NF1: variants seen among roughly 807,000 people sequenced by gnomAD.
The protein encoded by NF1 is neurofibromin.
NF1 carries 122 observed loss-of-function variants against 325.7 expected under a neutral mutation model. The ratio of observed to expected loss-of-function variants is 0.37; its 90% confidence interval spans 0.32 to 0.44. The LOEUF is 0.44. NF1 is among the 20% of genes least tolerant of loss of function. The pLI, the probability that NF1 is intolerant of heterozygous loss-of-function variation, is 1.00. For synonymous variants in NF1, 1,091 were observed against 1,186.0 expected (o/e 0.92, Z 1.65); for missense variants, 2,140 against 3,415.4 (o/e 0.63, Z 9.31).
At chr17:31,287,299 A>T (rs2068247836) in intron 36 of NF1, among the ~76,000 whole-genome samples, 1 of 152,234 alleles carries the variant, frequency 6.6e-6, no homozygotes, top group East Asian at 1.9e-4. Context: ...TACATGTTTT[A>T]ATCTATTCCT....
intron 57 of NF1, among the ~76,000 whole-genome samples, chr17:31,372,071 TTGAAA>T (rs2070652633): frequency 6.6e-6 from 1 of 152,240 alleles, no homozygotes; most frequent in Non-Finnish European, 1.5e-5. Flanking sequence ...ACTTCTTGAC[TTGAAA>T]TATTACTTTT....
chr17:31,275,834 T>G (rs769566463), intron 36 of NF1, among the ~76,000 whole-genome samples: 3 of 152,250 alleles, frequency 2.0e-5, no homozygotes, highest in Non-Finnish European at 4.4e-5. Flanking sequence ...TCTGGCTTTT[T>G]TTGTGGTAAG....
intron 1 of NF1, among the ~76,000 whole-genome samples, chr17:31,110,188 C>A (rs1388041512): frequency 6.6e-6 from 1 of 152,108 alleles, no homozygotes; most frequent in Non-Finnish European, 1.5e-5. Flanking sequence ...GGTCACAGTA[C>A]AGTCATATAT....
At chr17:31,216,836 A>G (rs1567842825) in intron 13 of NF1, among the ~76,000 whole-genome samples, 2 of 152,110 alleles carry the variant, frequency 1.3e-5, no homozygotes, top group South Asian at 2.1e-4. Context: ...TTCTAACCAC[A>G]TGCCTTCATA....
intron 1 of NF1, among the ~76,000 whole-genome samples, chr17:31,151,570 C>G (rs546619062): frequency 6.6e-6 from 1 of 152,174 alleles, no homozygotes; most frequent in South Asian, 2.1e-4. Flanking sequence ...ACGGTGAAAT[C>G]TGTAGATGCT....
chr17:31,350,487 G>A (rs1165814001), intron 50 of NF1, among the ~76,000 whole-genome samples, 169 bp downstream of exon 50: 1 of 152,160 alleles, frequency 6.6e-6, no homozygotes, highest in Non-Finnish European at 1.5e-5. Flanking sequence ...TTTTATGTGG[G>A]TTAGTAGGAA....
At chr17:31,367,198 C>A in intron 57 of NF1, 1 of 1,291,914 alleles carries the variant, frequency 7.7e-7, no homozygotes, top group Non-Finnish European at 1.0e-6. Context: ...CACTTACTTG[C>A]TTTTTTTTCT....
At chr17:31,250,126 G>T (rs1567858873) in intron 30 of NF1, 2 of 405,912 alleles carry the variant, frequency 4.9e-6, no homozygotes, top group East Asian at 4.8e-5. Context: ...GCTTTTCACG[G>T]TATACATAGA....
At chr17:31,322,553 C>T (rs2069237632) in intron 36 of NF1, among the ~76,000 whole-genome samples, 1 of 127,060 alleles carries the variant, frequency 7.9e-6, no homozygotes, top group Admixed American at 9.0e-5. Flanking sequence ...GATATGGCAG[C>T]ACATATCTGT....
intron 36 of NF1, chr17:31,318,402 T>G: frequency 6.2e-7 from 1 of 1,614,036 alleles, no homozygotes; most frequent in East Asian, 2.2e-5. Flanking sequence ...CTAGGTTGGG[T>G]CCTGTGAGCT....
chr17:31,228,635 C>T (rs1245092145), intron 20 of NF1, among the ~76,000 whole-genome samples: 1 of 152,060 alleles, frequency 6.6e-6, no homozygotes, highest in African/African-American at 2.4e-5. Flanking sequence ...TGCCTCTCTT[C>T]CCCCAACGTC....
At chr17:31,124,467 A>G (rs1191594223) in intron 1 of NF1, among the ~76,000 whole-genome samples, 1 of 144,636 alleles carries the variant, frequency 6.9e-6, no homozygotes, top group Non-Finnish European at 1.5e-5. Flanking sequence ...TATTATCAGT[A>G]TGTCAGTTTA....
At position 31,377,349 on chromosome 17, in the gene NF1, A is replaced by C; in HGVS notation, c.*3194A>C. 1 of 233,518 alleles carries C rather than the reference A, an allele frequency of 4.3e-6. No homozygotes were observed. Among genetic ancestry groups the C allele is most frequent in the Non-Finnish European group, 8.5e-6 (1 of 117,950 alleles). 14.5% of individuals were successfully genotyped at this position (233,518 alleles called of 1,614,324 possible). ...ACAAAAATTTGATTATTCTCGTGTT[A>C]GTATTGTTAACTTCTTTTTGCGACT... On this transcript the variant is annotated 3_prime_UTR_variant, in exon 58 of 58. Transcript: ENST00000358273.
intron 57 of NF1, chr17:31,367,334 C>CCAGGATGAG: frequency 8.8e-7 from 1 of 1,140,374 alleles, no homozygotes; most frequent in Non-Finnish European, 1.2e-6. Flanking sequence ...CACACTCATC[C>CCAGGATGAG]TGGGCACATA....
intron 1 of NF1, among the ~76,000 whole-genome samples, chr17:31,154,767 G>T: frequency 7.8e-6 from 1 of 128,950 alleles, no homozygotes. Context: ...TTGAGATGGA[G>T]TCTCGCCCGA....
intron 5 of NF1, among the ~76,000 whole-genome samples, chr17:31,175,308 T>C (rs1019882394): frequency 6.6e-6 from 1 of 150,500 alleles, no homozygotes; most frequent in African/African-American, 2.4e-5. Context: ...GAATCATTGA[T>C]GGTTTTAAAA....
At chr17:31,194,329 A>G (rs1218099249) in intron 8 of NF1, among the ~76,000 whole-genome samples, 1 of 149,914 alleles carries the variant, frequency 6.7e-6, no homozygotes, top group Admixed American at 6.6e-5. Context: ...TGTGGAAGCT[A>G]AAAAAAAGTT....
At chr17:31,278,077 A>G (rs1239289300) in intron 36 of NF1, 1 of 152,234 alleles carries the variant, frequency 6.6e-6, no homozygotes, top group Non-Finnish European at 1.5e-5. Context: ...ACAGTGAGCT[A>G]TGGATACCCT....
intron 36 of NF1, chr17:31,317,739 CT>C (rs1250619328): frequency 5.3e-5 from 8 of 152,114 alleles, no homozygotes; most frequent in African/African-American, 1.9e-4. Flanking sequence ...TAGAAAAACA[CT>C]TTCTTACGTG....
Sources: allele counts gnomAD v4.1 joint callset (sites outside exome capture counted in the v4.1 genomes callset), GRCh38; gene constraint gnomAD v4.1.1; transcripts MANE v1.5; gene names NCBI Gene and HGNC (gene_info 2026-07-23, HGNC 2026-07-21).